PRUNE2: variants seen among roughly 807,000 people sequenced by gnomAD.
PRUNE2 encodes prune homolog 2 with BCH domain.
In PRUNE2, 164 loss-of-function variants were observed where a neutral mutation model predicts 252.0. That is an observed-to-expected ratio of 0.65 (90% confidence interval 0.57 to 0.74). The LOEUF is 0.74. PRUNE2 is among the 30% of genes least tolerant of loss of function. The probability of loss-of-function intolerance (pLI) is 0.00; values close to 1 mark genes in which losing one functional copy is unlikely to be tolerated. For synonymous variants in PRUNE2, 1,292 were observed against 1,350.2 expected (o/e 0.96, Z 0.94); for missense variants, 3,495 against 3,711.0 (o/e 0.94, Z 1.51).
intron 12 of PRUNE2, chr9:76,642,083 T>C: frequency 2.3e-6 from 2 of 875,280 alleles, no homozygotes; most frequent in Non-Finnish European, 3.4e-6. Context: ...ATTATTTAAA[T>C]GGGTTTCTCA....
At chr9:76,864,312 G>C (rs1280343159) in intron 1 of PRUNE2, among the ~76,000 whole-genome samples, 2 of 152,148 alleles carry the variant, frequency 1.3e-5, no homozygotes, top group African/African-American at 4.8e-5. Context: ...TAGCAGGAAG[G>C]AGGGTGTAGG....
intron 9 of PRUNE2, among the ~76,000 whole-genome samples, chr9:76,662,233 C>A (rs1212446309): frequency 6.6e-6 from 1 of 152,182 alleles, no homozygotes; most frequent in African/African-American, 2.4e-5. Context: ...TATGCTAAAT[C>A]TTTGCACCTT....
At chr9:76,779,430 T>C (rs1212485819) in intron 6 of PRUNE2, among the ~76,000 whole-genome samples, 2 of 152,144 alleles carry the variant, frequency 1.3e-5, no homozygotes, top group Admixed American at 1.3e-4. Flanking sequence ...TCAAGACAAA[T>C]AATCTATAGT....
Position 76,710,549 on chromosome 9 carries a change from GT to G in PRUNE2, c.1724del (p.Asp575AlafsTer11). On this transcript the variant is annotated frameshift_variant, in exon 8 of 19. Coordinates refer to ENST00000376718, the MANE Select transcript of PRUNE2 (RefSeq NM_015225.3). LOFTEE classifies it high-confidence loss of function. ...EHDEEFVQRQDSPRDNSERNL... is the reference protein window; with the variant it reads ...EHDEEFVQRQXSPRDNSERNL... The stretch of plus-strand genomic sequence containing the variant: ...TTCTTTCAGAGTTATCTCTGGGACT[GT>G]CTTGTCTCTGGACAAACTCCTCATC... 1 of 1,613,918 alleles carries G rather than the reference GT, an allele frequency of 6.2e-7. No individual in the cohort carries two copies.
intron 6 of PRUNE2, among the ~76,000 whole-genome samples, chr9:76,724,683 T>C (rs55825540): frequency 0.026 from 4,024 of 152,282 alleles, 153 homozygotes; most frequent in African/African-American, 0.089. Flanking sequence ...GATTGAATAC[T>C]TGAATGGGGG....
At chr9:76,837,810 C>G (rs376255617) in intron 4 of PRUNE2, among the ~76,000 whole-genome samples, 4 of 146,906 alleles carry the variant, frequency 2.7e-5, no homozygotes, top group South Asian at 4.3e-4. Context: ...CTTGCTCTGT[C>G]GCCCAGGCTG....
Position 76,846,495 on chromosome 9 carries a change from T to A in PRUNE2, c.508+20A>T. 1 of 1,602,316 alleles carries A rather than the reference T, an allele frequency of 6.2e-7. No homozygotes were observed. Among genetic ancestry groups the A allele is most frequent in the Non-Finnish European group, 8.5e-7 (1 of 1,172,820 alleles). ...CTCCATTAAGCCTTCCAGTATTTAA[T>A]AGGAAGAGCCATCTCTCACCTCTGA... On this transcript the variant is annotated intron_variant, in intron 4 of 18. Transcript: ENST00000376718.
chr9:76,903,706 G>GC (rs1019192147), intron 1 of PRUNE2, among the ~76,000 whole-genome samples: 1 of 152,092 alleles, frequency 6.6e-6, no homozygotes, highest in Non-Finnish European at 1.5e-5. Flanking sequence ...TCCTGCCTCT[G>GC]CCCCCCTAGT....
At chr9:76,648,770 A>C (rs1002229235) in intron 11 of PRUNE2, among the ~76,000 whole-genome samples, 2 of 152,258 alleles carry the variant, frequency 1.3e-5, no homozygotes, top group African/African-American at 4.8e-5. Context: ...CATAGAGTGC[A>C]CAACTTGGAA....
intron 6 of PRUNE2, among the ~76,000 whole-genome samples, chr9:76,736,012 A>T (rs7872541): frequency 0.89 from 135,143 of 152,268 alleles, 60,271 homozygotes; most frequent in African/African-American, 0.97. Flanking sequence ...CTTATTTCAC[A>T]TAACATTATC....
intron 11 of PRUNE2, among the ~76,000 whole-genome samples, chr9:76,649,293 C>T (rs1460250171): frequency 6.6e-6 from 1 of 152,148 alleles, no homozygotes; most frequent in Non-Finnish European, 1.5e-5. Flanking sequence ...GTTTATTTTT[C>T]AAAGAGTATG....
At chr9:76,669,070 C>G (rs1381833135) in intron 9 of PRUNE2, among the ~76,000 whole-genome samples, 3 of 151,712 alleles carry the variant, frequency 2.0e-5, no homozygotes, top group Non-Finnish European at 4.4e-5. Context: ...CTAATGAATT[C>G]ATTTTAAAGA....
At chr9:76,854,433 G>A (rs888260070) in intron 1 of PRUNE2, among the ~76,000 whole-genome samples, 1 of 152,048 alleles carries the variant, frequency 6.6e-6, no homozygotes, top group Non-Finnish European at 1.5e-5. Flanking sequence ...GAGAAAATGT[G>A]GTTTTATTAA....
In PRUNE2 at chr9:76,710,158, T is replaced by C. The variant is rs2046613308; in HGVS notation, c.2116A>G (p.Lys706Glu). 1 of 1,613,774 alleles carries C rather than the reference T, an allele frequency of 6.2e-7. No homozygotes were observed. Among genetic ancestry groups the C allele is most frequent in the Non-Finnish European group, 8.5e-7 (1 of 1,179,858 alleles). Residue 706 changes from lysine (K) to glutamate (E), a missense_variant, in exon 8 of 19, where the codon AAG becomes GAG. By Grantham distance (56) the Lys-to-Glu change is moderately conservative. Coordinates refer to ENST00000376718, the MANE Select transcript of PRUNE2 (RefSeq NM_015225.3). The stretch of plus-strand genomic sequence containing the variant: ...CCTGACTTTGTAAATTCGAGGCTCT[T>C]TGGTTGAAATACAGAATCTGAGGCT... ...RRASDSVFQP[K>E]SLEFTKSGPW...
rs1398199299 is a variant in PRUNE2, at chr9:76,670,479, G to T, written c.8277-14977C>A. 6.7e-4 allele frequency among the ~76,000 whole-genome samples: 102 copies of T among 151,618 alleles called. 3 individuals are homozygous for T. The South Asian group carries it at 0.02, about 30-fold the overall frequency. On this transcript the variant is annotated intron_variant, in intron 9 of 18. Transcript: ENST00000376718. Reference sequence around the variant, plus strand: ...AGGCGGCAGTGAGGCTGGGGGAGGGGCGCCCACCATTGCCCAGGCTTGATT... The same window carrying T: ...AGGCGGCAGTGAGGCTGGGGGAGGGTCGCCCACCATTGCCCAGGCTTGATT...
Position 76,637,436 on chromosome 9 carries a change from T to C in PRUNE2, c.8945A>G (p.Tyr2982Cys). Reference sequence around the variant, plus strand: ...CACATACCGTCTGTCAATCATCTGGTAGCATTTCTTCATCCAGCCTAGCCC... The same window carrying C: ...CACATACCGTCTGTCAATCATCTGGCAGCATTTCTTCATCCAGCCTAGCCC... ...MPGLGWMKKC[Y>C]QMIDRRLRKN... is the part of the protein sequence containing the mutation. The change falls in exon 14 of 19, where the codon TAC becomes TGC. Residue 2982 changes from tyrosine to cysteine, a missense_variant. Physicochemically the swap from Tyr to Cys is radical, Grantham distance 194. Transcript: ENST00000376718. 1 of 1,613,666 alleles carries C rather than the reference T, an allele frequency of 6.2e-7. No homozygotes were observed. The highest frequency in any genetic ancestry group is 8.5e-7 in the Non-Finnish European group (1 of 1,179,780).
intron 2 of PRUNE2, among the ~76,000 whole-genome samples, chr9:76,851,149 G>C (rs2132556932): frequency 6.6e-6 from 1 of 151,964 alleles, no homozygotes; most frequent in East Asian, 1.9e-4. Flanking sequence ...GGTGGGGACT[G>C]TGGGGACAGG....
chr9:76,745,585 C>T (rs560207414), intron 6 of PRUNE2, among the ~76,000 whole-genome samples: 2 of 152,266 alleles, frequency 1.3e-5, no homozygotes, highest in Admixed American at 6.5e-5. Context: ...CAATCAGTAG[C>T]AAGCACCCAT....
intron 9 of PRUNE2, among the ~76,000 whole-genome samples, chr9:76,658,062 T>A (rs540031494): frequency 5.3e-5 from 8 of 152,054 alleles, no homozygotes; most frequent in Non-Finnish European, 1.2e-4. Flanking sequence ...AACCCATGGA[T>A]ATTAAAGAAG....
Sources: gnomAD v4.1 joint callset for allele counts (sites outside exome capture counted in the v4.1 genomes callset) on GRCh38, gnomAD v4.1.1 for gene constraint, MANE v1.5 for transcripts, NCBI Gene and HGNC (gene_info 2026-07-23, HGNC 2026-07-21) for gene names.